Variants in MAPK6 observed in about 807,000 individuals in gnomAD.
The protein encoded by MAPK6 is ERK-3.
A neutral mutation model predicts 59.3 loss-of-function variants in MAPK6; 19 were observed. The ratio of observed to expected loss-of-function variants is 0.32; its 90% CI spans 0.22 to 0.47. The LOEUF (loss-of-function observed/expected upper bound fraction) is 0.47. Among genes scored for constraint, MAPK6 ranks in the 20% least tolerant of loss-of-function variants. The pLI, the probability that MAPK6 is intolerant of heterozygous loss-of-function variation, is 1.00. For missense variants in MAPK6, 724 were observed against 847.9 expected (o/e 0.85, Z 1.81); for synonymous variants, 316 against 290.3 (o/e 1.09, Z -0.90).
chr15:51,999,047 G>A (rs1348549205), intron 2 of MAPK6, among the ~76,000 whole-genome samples: 2 of 146,962 alleles, frequency 1.4e-5, no homozygotes, highest in Admixed American at 1.4e-4. Context: ...GGAGTGCAGT[G>A]GCACCAGGCA....
At position 52,046,786 on chromosome 15, in the gene MAPK6, A is replaced by T; in HGVS notation, c.326A>T (p.Glu109Val). The T allele has an allele frequency of 3.1e-6, 5 of 1,614,010 alleles. No homozygotes were observed. Among genetic ancestry groups the T allele is most frequent in the Non-Finnish European group, 4.2e-6 (5 of 1,179,954 alleles). ...CTGAACAGTGTTTACATTGTTCAGGAGTACATGGAGACAGACTTGGCTAAT... is the reference window on the plus strand; with the variant it reads ...CTGAACAGTGTTTACATTGTTCAGGTGTACATGGAGACAGACTTGGCTAAT... ...TELNSVYIVQ[E>V]YMETDLANVL... Residue 109 changes from glutamate to valine, a missense_variant, in exon 2 of 6, where the codon GAG becomes GTG. Coordinates refer to ENST00000261845, the MANE Select transcript of MAPK6 (RefSeq NM_002748.4).
In MAPK6 at chr15:52,066,316, T is replaced by G. The variant is rs1596020696; in HGVS notation, c.*1316T>G. Reference sequence around the variant, plus strand: ...GAAAATTTTCTGCTAGAATGAAAATTACTACCAGAATCACTTTGAATTATG... The same window carrying G: ...GAAAATTTTCTGCTAGAATGAAAATGACTACCAGAATCACTTTGAATTATG... On this transcript the variant is annotated 3_prime_UTR_variant, in exon 6 of 6. Transcript: ENST00000261845. 1 of 152,204 alleles carries G rather than the reference T, an allele frequency of 6.6e-6. No homozygotes were observed. The highest frequency in any genetic ancestry group is 1.9e-4 in the East Asian group (1 of 5,198). 9.4% of individuals were successfully genotyped at this position (152,204 alleles called of 1,614,324 possible).
At chr15:52,013,298 T>G (rs1426104719) in intron 3 of MAPK6, among the ~76,000 whole-genome samples, 1 of 151,828 alleles carries the variant, frequency 6.6e-6, no homozygotes, top group East Asian at 1.9e-4. Flanking sequence ...TGAAGAGAAG[T>G]CATGATGACC....
At chr15:51,981,495 AAAAG>A (rs1320024006) in intron 1 of MAPK6, among the ~76,000 whole-genome samples, 4 of 152,086 alleles carry the variant, frequency 2.6e-5, no homozygotes, top group Non-Finnish European at 4.4e-5. Flanking sequence ...AAAAAGAAAA[AAAAG>A]AAAATTCAGA....
intron 3 of MAPK6, among the ~76,000 whole-genome samples, chr15:52,004,867 C>G (rs1479763131): frequency 2.0e-5 from 3 of 152,130 alleles, no homozygotes; most frequent in Non-Finnish European, 2.9e-5. Flanking sequence ...TTGGGGAACA[C>G]GTTCAAACCA....
At chr15:52,053,607 ATTGATTGATTGATTGATTG>A (rs1566911644) in intron 3 of MAPK6, among the ~76,000 whole-genome samples, 2 of 2,048 alleles carry the variant, frequency 9.8e-4, no homozygotes, top group Non-Finnish European at 2.2e-3. Context: ...TGATTGGTTG[ATTGATTGATTGATTGATTG>A]GTTGATTGAT....
chr15:52,041,842 G>A (rs1247549137), intron 1 of MAPK6, among the ~76,000 whole-genome samples: 1 of 152,180 alleles, frequency 6.6e-6, no homozygotes, highest in Non-Finnish European at 1.5e-5. Flanking sequence ...CAGATTCTCA[G>A]TAGTATCTTG....
intron 3 of MAPK6, among the ~76,000 whole-genome samples, chr15:52,057,478 C>A (rs560747180): frequency 6.0e-4 from 91 of 152,120 alleles, no homozygotes; most frequent in Non-Finnish European, 1.1e-3. Flanking sequence ...CCTAGAACTC[C>A]TTTCTTTCTT....
intron 1 of MAPK6, among the ~76,000 whole-genome samples, chr15:52,044,525 T>C (rs1329879490): frequency 1.3e-5 from 2 of 152,160 alleles, no homozygotes; most frequent in Non-Finnish European, 2.9e-5. Flanking sequence ...GCCTAAAATA[T>C]TGTCTGGTCT....
intron 1 of MAPK6, among the ~76,000 whole-genome samples, chr15:51,983,055 A>G (rs988035961): frequency 6.6e-6 from 1 of 152,240 alleles, no homozygotes; most frequent in Non-Finnish European, 1.5e-5. Context: ...GCTACTTAAC[A>G]CAAAATCAAA....
chr15:52,057,890 A>G (rs939353537), intron 3 of MAPK6, among the ~76,000 whole-genome samples: 2 of 152,188 alleles, frequency 1.3e-5, no homozygotes, highest in Non-Finnish European at 2.9e-5. Flanking sequence ...ATCTGTCTTT[A>G]TCCACAAGAT....
intron 2 of MAPK6, among the ~76,000 whole-genome samples, chr15:51,985,293 C>G (rs920651612): frequency 2.2e-4 from 33 of 151,172 alleles, no homozygotes; most frequent in African/African-American, 7.6e-4. Context: ...CCATGAGCCA[C>G]AATCACACAA....
chr15:52,047,036 G>C (rs780809405), intron 2 of MAPK6, 21 bp downstream of exon 2: 2 of 1,499,434 alleles, frequency 1.3e-6, no homozygotes, highest in Non-Finnish European at 1.8e-6. Context: ...AAAGCCAGCT[G>C]AGACAGATCT....
At chr15:52,042,563 G>A (rs2031459282) in intron 1 of MAPK6, among the ~76,000 whole-genome samples, 1 of 151,312 alleles carries the variant, frequency 6.6e-6, no homozygotes, top group Non-Finnish European at 1.5e-5. Context: ...GTGGATGGGG[G>A]TCTTGAGTAA....
upstream of MAPK6, among the ~76,000 whole-genome samples, chr15:52,016,505 G>C (rs1274636316): frequency 6.6e-6 from 1 of 152,102 alleles, no homozygotes; most frequent in East Asian, 1.9e-4. Context: ...TGCCTAAAAA[G>C]GTGGAGTTGC....
chr15:52,058,606 GTT>G, intron 3 of MAPK6, 25 bp from the exon 4 acceptor site: 2 of 1,561,984 alleles, frequency 1.3e-6, no homozygotes, highest in Non-Finnish European at 8.7e-7. Context: ...TGAGGAATGT[GTT>G]TTTTTGTTTG....
intron 3 of MAPK6, 141 bp from the exon 4 acceptor site, chr15:52,058,492 C>CA: frequency 1.6e-6 from 1 of 623,076 alleles, no homozygotes. Context: ...TGGTGATAGT[C>CA]AAAGCAATGA....
chr15:52,024,225 G>A (rs1239403231), intron 1 of MAPK6, among the ~76,000 whole-genome samples: 1 of 151,984 alleles, frequency 6.6e-6, no homozygotes, highest in African/African-American at 2.4e-5. Context: ...CATGTACATC[G>A]TTTGACAGCT....
chr15:52,058,610 T>TTTTG, intron 3 of MAPK6, 23 bp from the exon 4 acceptor site: 1 of 1,567,702 alleles, frequency 6.4e-7, no homozygotes, highest in East Asian at 2.3e-5. Flanking sequence ...GAATGTGTTT[T>TTTTG]TTTGTTTGTT....
Sources: allele counts gnomAD v4.1 joint callset (sites outside exome capture counted in the v4.1 genomes callset), GRCh38; gene constraint gnomAD v4.1.1; transcripts MANE v1.5; gene names NCBI Gene and HGNC (gene_info 2026-07-23, HGNC 2026-07-21).